The following TIGD4 variants were observed in gnomAD, a reference collection of about 807,000 sequenced individuals.
TIGD4 encodes tigger transposable element-derived protein 4.
A neutral mutation model predicts 24.9 loss-of-function variants in TIGD4; 20 were observed. That is an observed-to-expected ratio of 0.80 (90% CI 0.56 to 1.17). TIGD4 has a LOEUF of 1.17. TIGD4 is among the 50% of genes most tolerant of loss of function. TIGD4 has a pLI of 0.00. For synonymous variants in TIGD4, 193 were observed against 211.0 expected, an observed-to-expected ratio of 0.91 and a Z score of 0.74; for missense variants, 566 against 591.0, an observed-to-expected ratio of 0.96 and a Z score of 0.44.
In TIGD4 at chr4:152,771,202, T is replaced by C. The variant is rs997479764; in HGVS notation, c.-198A>G. 1.3e-5 allele frequency: 7 copies of C among 559,230 alleles called. No individual in the cohort carries two copies. In the East Asian group the frequency reaches 1.3e-4, roughly 11 times the overall value. 34.6% of individuals were successfully genotyped at this position (559,230 alleles called of 1,614,324 possible). On this transcript the variant is annotated 5_prime_UTR_variant, in exon 2 of 2. In the 5' UTR this introduces an upstream ATG that the reference lacks. Transcript: ENST00000304337. Reference sequence around the variant, plus strand: ...TTCAAAGATCTGAAGAAAAATATTATATGCAACTAGAATATTTTAGAAGAG... The same window carrying C: ...TTCAAAGATCTGAAGAAAAATATTACATGCAACTAGAATATTTTAGAAGAG...
intron 1 of TIGD4, among the ~76,000 whole-genome samples, chr4:152,779,106 G>C (rs1197280589): frequency 6.6e-6 from 1 of 152,124 alleles, no homozygotes. Flanking sequence ...AGTGCAGGTT[G>C]GGGCCCCGTT....
At position 152,770,808 on chromosome 4, in the gene TIGD4, G is replaced by C. The variant is rs762254717; in HGVS notation, c.197C>G (p.Ala66Gly). 82 of 1,611,380 alleles carry C rather than the reference G, an allele frequency of 5.1e-5. No individual in the cohort carries two copies. The South Asian group carries it at 6.6e-4, about 13-fold the overall frequency. The change falls in exon 2 of 2, where the codon GCC (alanine) becomes GGC (glycine). Residue 66 changes from alanine to glycine, a missense_variant. Coordinates refer to ENST00000304337, the MANE Select transcript of TIGD4 (RefSeq NM_145720.4). ...TGGATCAAATCTTAGAGATTCAAAG[G>C]CTTCTAGAACTTTGTCTTTATTCTT... is the stretch of plus-strand genomic sequence containing the variant. The part of the protein sequence containing the change: ...IMKNKDKVLE[A>G]FESLRFDPKR...
At chr4:152,776,447 A>G (rs1044891523) in intron 1 of TIGD4, among the ~76,000 whole-genome samples, 1 of 152,204 alleles carries the variant, frequency 6.6e-6, no homozygotes, top group Non-Finnish European at 1.5e-5. Context: ...TATTAAAAAA[A>G]AAATCAGTAT....
Position 152,770,731 on chromosome 4 carries a change from T to C in TIGD4, c.274A>G (p.Met92Val). ...CACTGAGCAATTCGATACCATCTCA[T>C]TAATGCCTCTTCCAGATCTGTGTAA... is the stretch of plus-strand genomic sequence containing the variant. ...AFYTDLEEAL[M>V]RWYRIAQCLN... Residue 92 changes from methionine to valine, a missense_variant, in exon 2 of 2, where the codon ATG (methionine) becomes GTG (valine). Met to Val is a conservative substitution (Grantham distance 21, BLOSUM62 1). Transcript: ENST00000304337. The C allele has an allele frequency of 6.2e-7, 1 of 1,613,768 alleles. No homozygotes were observed.
At chr4:152,773,162 C>T (rs1008525044) in intron 1 of TIGD4, among the ~76,000 whole-genome samples, 3 of 152,188 alleles carry the variant, frequency 2.0e-5, no homozygotes, top group African/African-American at 7.2e-5. Flanking sequence ...AGCAGTGTTA[C>T]TTCTGTGTGA....
chr4:152,770,061 C>A lies in TIGD4; in HGVS notation c.944G>T (p.Cys315Phe). ...AATAACACCTTGTTTCATAGCTATA[C>A]ATTTGGAAGATAAACATGATGGAAA... is the stretch of plus-strand genomic sequence containing the variant. ...AFFPSCLSSK[C>F]IAMKQGVIKS... The change falls in exon 2 of 2, where the codon TGT becomes TTT. Residue 315 changes from cysteine to phenylalanine, a missense_variant. By Grantham distance (205) the Cys-to-Phe change is radical. Coordinates refer to ENST00000304337, the MANE Select transcript of TIGD4 (RefSeq NM_145720.4). 1 of 1,613,866 alleles carries A rather than the reference C, an allele frequency of 6.2e-7. No homozygotes were observed. The highest frequency in any genetic ancestry group is 8.5e-7 in the Non-Finnish European group (1 of 1,179,788).
Position 152,769,502 on chromosome 4 carries a change from G to A in TIGD4, c.1503C>T (p.Asp501=). Residue 501 remains aspartate (D), a synonymous_variant, in exon 2 of 2, where the codon GAC becomes GAT. Coordinates refer to ENST00000304337, the MANE Select transcript of TIGD4 (RefSeq NM_145720.4). ...MNDGLQNSLA[D]LENFINSLSP... is the part of the protein sequence containing the mutation. ...ATAAAGAGTTAATAAAATTTTCAAG[G>A]TCTGCTAAAGAATTTTGAAGTCCGT... 6.4e-7 allele frequency: 1 copy of A among 1,570,352 alleles called. No individual in the cohort carries two copies.
Position 152,770,583 on chromosome 4 carries a change from C to A in TIGD4, c.422G>T (p.Gly141Val). 1 of 1,610,074 alleles carries A rather than the reference C, an allele frequency of 6.2e-7. No homozygotes were observed. Among genetic ancestry groups the A allele is most frequent in the Non-Finnish European group, 8.5e-7 (1 of 1,178,098 alleles). The change falls in exon 2 of 2, where the codon GGT (glycine) becomes GTT (valine). Residue 141 changes from glycine to valine, a missense_variant. Physicochemically the swap from Gly to Val is moderately radical, Grantham distance 109 (BLOSUM62 -3). Transcript: ENST00000304337. Reference protein sequence around the residue: ...GWLDRFKSRYGLVFRAQPVEA... With the variant: ...GWLDRFKSRYVLVFRAQPVEA... ...TACAGGTTGAGCTCTGAATACTAAA[C>A]CATACCTGGATTTAAAACGATCCAG...
chr4:152,777,758 T>C (rs1038492942), intron 1 of TIGD4, among the ~76,000 whole-genome samples: 4 of 152,202 alleles, frequency 2.6e-5, no homozygotes, highest in African/African-American at 9.6e-5. Context: ...CTTAAAATGA[T>C]GTTTTTCAGT....
At chr4:152,775,593 T>G (rs371573630) in intron 1 of TIGD4, among the ~76,000 whole-genome samples, 149 of 152,338 alleles carry the variant, frequency 9.8e-4, no homozygotes, top group African/African-American at 3.4e-3. Flanking sequence ...GAGGCTTCCC[T>G]CAGGTCCTTG....
intron 1 of TIGD4, among the ~76,000 whole-genome samples, chr4:152,775,311 C>T (rs1293629834): frequency 6.6e-6 from 1 of 152,218 alleles, no homozygotes; most frequent in East Asian, 1.9e-4. Flanking sequence ...CAAATTACCA[C>T]AAACTCAATG....
chr4:152,770,265 G>C lies in TIGD4; in HGVS notation c.740C>G (p.Ser247Ter). The C allele has an allele frequency of 2.5e-6, 4 of 1,614,086 alleles. No individual in the cohort carries two copies. The highest frequency in any genetic ancestry group is 1.6e-4 in the Middle Eastern group (1 of 6,062). The change falls in exon 2 of 2, where the codon TCA becomes TGA. Residue 247 changes from serine (S) to a stop codon, truncating the protein, a stop_gained. Transcript: ENST00000304337. LOFTEE classifies it high-confidence loss of function. ...RTPHCFKGLK[S>*]LPVCYEANRM... ...GTTAGCTTCATAACACACAGGCAAT[G>C]ATTTTAAACCTTTGAAACAATGTGG... is the stretch of plus-strand genomic sequence containing the variant.
chr4:152,777,530 G>GAGGA (rs1158872244), intron 1 of TIGD4, among the ~76,000 whole-genome samples: 1 of 142,172 alleles, frequency 7.0e-6, no homozygotes, highest in Non-Finnish European at 1.5e-5. Flanking sequence ...GGGAGGGAGG[G>GAGGA]AGGAAGGAAG....
rs1244710020 is a variant in TIGD4, at chr4:152,769,729, C to T, written c.1276G>A (p.Asp426Asn). ...SIEEYAALDD[D>N]LETCEAAPNG... ...GGTGCTGCTTCACATGTCTCCAAAT[C>T]ATCATCCAGGGCAGCATATTCTTCT... The change falls in exon 2 of 2, where the codon GAT becomes AAT. Residue 426 changes from aspartate (D) to asparagine (N), a missense_variant. By Grantham distance (23) the Asp-to-Asn change is conservative (BLOSUM62 1). Coordinates refer to ENST00000304337, the MANE Select transcript of TIGD4 (RefSeq NM_145720.4). The T allele has an allele frequency of 6.2e-7, 1 of 1,613,954 alleles. No homozygotes were observed. Among genetic ancestry groups the T allele is most frequent in the South Asian group, 1.1e-5 (1 of 91,068 alleles).
At chr4:152,771,672 A>G (rs1420950460) in intron 1 of TIGD4, 130 bp from the exon 2 acceptor site, 3 of 152,280 alleles carry the variant, frequency 2.0e-5, no homozygotes, top group Non-Finnish European at 2.9e-5. Context: ...AAAATACAAT[A>G]AAGTTTCCAA....
intron 1 of TIGD4, among the ~76,000 whole-genome samples, chr4:152,772,325 A>C (rs1730191337): frequency 6.6e-6 from 1 of 151,932 alleles, no homozygotes; most frequent in Non-Finnish European, 1.5e-5. Flanking sequence ...TTAACGTCTC[A>C]GGTCTTCTAC....
rs1730145249 is a variant in TIGD4 at position 152,770,368 on chromosome 4, T to TAGAA, written c.636_637insTTCT (p.Arg213PhefsTer2). Reference sequence around the variant, plus strand: ...TTTGTGCCAACCACCAGAGTTATTCTGTCTTTGCATAACTTTCCAACTGAA... The same window carrying TAGAA: ...TTTGTGCCAACCACCAGAGTTATTCTAGAAGTCTTTGCATAACTTTCCAACTGAA... On this transcript the variant is annotated frameshift_variant, in exon 2 of 2. Transcript: ENST00000304337. LOFTEE classifies it high-confidence loss of function. The TAGAA allele has an allele frequency of 6.2e-7, 1 of 1,614,038 alleles. No individual in the cohort carries two copies. The highest frequency in any genetic ancestry group is 2.2e-5 in the East Asian group (1 of 44,896).
chr4:152,776,430 A>G (rs1241516381), intron 1 of TIGD4, among the ~76,000 whole-genome samples: 1 of 151,966 alleles, frequency 6.6e-6, no homozygotes, highest in Non-Finnish European at 1.5e-5. Flanking sequence ...CTACTTTTGC[A>G]CCAAGTTATT....
chr4:152,779,221 C>T (rs1730333936), intron 1 of TIGD4, among the ~76,000 whole-genome samples: 1 of 152,080 alleles, frequency 6.6e-6, no homozygotes, highest in African/African-American at 2.4e-5. Flanking sequence ...AAGCAGAGCT[C>T]GGTCATCCGG....
Sources: allele counts gnomAD v4.1 joint callset (sites outside exome capture counted in the v4.1 genomes callset), GRCh38; gene constraint gnomAD v4.1.1; transcripts MANE v1.5; gene names NCBI Gene and HGNC (gene_info 2026-07-23, HGNC 2026-07-21).